Variants in SIAE observed in about 807,000 individuals in gnomAD.
The protein encoded by SIAE is sialic acid acetylesterase, also known as sialate O-acetylesterase.
A neutral mutation model predicts 52.6 loss-of-function variants in SIAE; 39 were observed. The ratio of observed to expected loss-of-function variants is 0.74; its 90% CI spans 0.57 to 0.97. The LOEUF (loss-of-function observed/expected upper bound fraction) is 0.97, where lower values mean the gene tolerates loss of function less well. SIAE is among the 50% of genes least tolerant of loss of function. SIAE has a pLI of 0.00. For synonymous variants in SIAE, 233 were observed against 241.4 expected (o/e 0.97, Z 0.32); for missense variants, 592 against 662.1 (o/e 0.89, Z 1.16).
upstream of SIAE, chr11:124,673,866 G>GTTTT: frequency 3.8e-6 from 2 of 528,100 alleles, no homozygotes; most frequent in Non-Finnish European, 3.2e-6. Context: ...GGCCGCCGTA[G>GTTTT]TTTTTTTTTT....
intron 3 of SIAE, chr11:124,659,275 C>T (rs566500262): frequency 1.3e-5 from 2 of 152,330 alleles, no homozygotes; most frequent in East Asian, 3.9e-4. Flanking sequence ...ACTGCAATTA[C>T]AGCATTAAGA....
Position 124,647,512 on chromosome 11 carries a change from A to C in SIAE, c.833-14T>G, listed in dbSNP as rs763346388. On this transcript the variant is annotated splice_polypyrimidine_tract_variant and intron_variant, in intron 6 of 9. Transcript: ENST00000263593. ...TATTGGACTCCCCTAAAAACAGTCC[A>C]AATTGTAAAGGGAGTTTGGAGTAGA... 6.2e-7 allele frequency: 1 copy of C among 1,614,036 alleles called. No homozygotes were observed. Among genetic ancestry groups the C allele is most frequent in the African/African-American group, 1.3e-5 (1 of 75,058 alleles).
At chr11:124,657,669 T>TGAAAGCCACAGA (rs1943123048) in intron 3 of SIAE, among the ~76,000 whole-genome samples, 1 of 152,242 alleles carries the variant, frequency 6.6e-6, no homozygotes, top group African/African-American at 2.4e-5. Flanking sequence ...AATTCACATT[T>TGAAAGCCACAGA]GTGTGTAATT....
chr11:124,658,739 C>G (rs1317639523), intron 3 of SIAE: 1 of 152,088 alleles, frequency 6.6e-6, no homozygotes, highest in Non-Finnish European at 1.5e-5. Context: ...TAGTGGAACT[C>G]TTACCTCCTC....
chr11:124,636,251 T>A lies in SIAE; in HGVS notation c.*700A>T, dbSNP rs1333350723. The A allele has an allele frequency of 6.5e-6, 1 of 152,848 alleles. No homozygotes were observed. The highest frequency in any genetic ancestry group is 1.5e-5 in the Non-Finnish European group (1 of 68,510). 9.5% of individuals were successfully genotyped at this position (152,848 alleles called of 1,614,324 possible). ...TGTTTCTTATTTCATTTCTTAAACATTCATATTACCACTATTTAGATTGAA... is the reference window on the plus strand; with the variant it reads ...TGTTTCTTATTTCATTTCTTAAACAATCATATTACCACTATTTAGATTGAA... On this transcript the variant is annotated 3_prime_UTR_variant, in exon 10 of 10. Coordinates refer to ENST00000263593, the MANE Select transcript of SIAE (RefSeq NM_170601.5).
In SIAE at chr11:124,636,225, A is replaced by G. The variant is rs1035096503; in HGVS notation, c.*726T>C. On this transcript the variant is annotated 3_prime_UTR_variant, in exon 10 of 10. Coordinates refer to ENST00000263593, the MANE Select transcript of SIAE (RefSeq NM_170601.5). ...TTAGCACCTTCCAAAGTGCCTGCAC[A>G]TGTTTCTTATTTCATTTCTTAAACA... The G allele has an allele frequency of 6.5e-6, 1 of 152,722 alleles. No individual in the cohort carries two copies. 9.5% of individuals were successfully genotyped at this position (152,722 alleles called of 1,614,324 possible). A position where few individuals can be genotyped will look rare whatever the true frequency, so the allele number is the denominator to read the frequency against.
chr11:124,654,837 A>G, intron 3 of SIAE, 44 bp from the exon 4 acceptor site: 1 of 1,610,392 alleles, frequency 6.2e-7, no homozygotes. Flanking sequence ...CAGGTGGTGA[A>G]CTAGCCTGAC....
In SIAE at chr11:124,645,377, C is replaced by T. The variant is rs573293651; in HGVS notation, c.966+1988G>A. 1.5e-4 allele frequency among the ~76,000 whole-genome samples: 22 copies of T among 151,566 alleles called. 2 individuals are homozygous for T. The highest frequency in any genetic ancestry group is 4.8e-4 in the African/African-American group (20 of 41,380). ...TTGCCCAGGCTGAGTGCAATGCTCA[C>T]CACAATCTACGCCTCCTGGGTTCAA... On this transcript the variant is annotated intron_variant, in intron 7 of 9. Transcript: ENST00000263593. This position sits in a 1 kb window ranked among gnomAD's most constrained non-coding sequence, Gnocchi z 4.7.
In SIAE at chr11:124,649,739, C is replaced by G; in HGVS notation, c.602G>C (p.Arg201Pro). The G allele has an allele frequency of 6.2e-7, 1 of 1,614,170 alleles. No homozygotes were observed. Among genetic ancestry groups the G allele is most frequent in the South Asian group, 1.1e-5 (1 of 91,084 alleles). Residue 201 changes from arginine (R) to proline (P), a missense_variant, in exon 5 of 10, where the codon CGT becomes CCT. Transcript: ENST00000263593. ...ATACTGCAGAGTGTCATAAAGGTGA[C>G]GTCCAAAGAGCCAGCACACTGCTGA... is the stretch of plus-strand genomic sequence containing the variant. ...YMSAVCWLFG[R>P]HLYDTLQYPI...
chr11:124,652,998 A>G (rs1052554616), intron 4 of SIAE, among the ~76,000 whole-genome samples: 2 of 152,214 alleles, frequency 1.3e-5, no homozygotes, highest in Non-Finnish European at 2.9e-5. Flanking sequence ...GGCATAATAC[A>G]TTATCCAAAT....
At chr11:124,648,395 T>TGGTAATTAAAGGTAATTTCTAA (rs1942971459) in intron 5 of SIAE, among the ~76,000 whole-genome samples, 1 of 152,186 alleles carries the variant, frequency 6.6e-6, no homozygotes, top group Non-Finnish European at 1.5e-5. Context: ...CAGCTTTCTA[T>TGGTAATTAAAGGTAATTTCTAA]GGTAATTAAA....
intron 9 of SIAE, 27 bp downstream of exon 9, chr11:124,638,515 C>G: frequency 6.2e-7 from 1 of 1,610,662 alleles, no homozygotes. Flanking sequence ...CAAAATGAAC[C>G]CCTGTTTATT....
chr11:124,652,005 G>GA (rs1280509933), intron 4 of SIAE, among the ~76,000 whole-genome samples: 2 of 152,150 alleles, frequency 1.3e-5, no homozygotes, highest in African/African-American at 4.8e-5. Flanking sequence ...CAAGGCAGAA[G>GA]AAAAAATACG....
chr11:124,642,733 G>GC (rs1204431995), intron 7 of SIAE, among the ~76,000 whole-genome samples: 2 of 152,154 alleles, frequency 1.3e-5, no homozygotes, highest in Admixed American at 6.5e-5. Flanking sequence ...GTTGTATATG[G>GC]CAAAAGTGAA....
intron 2 of SIAE, among the ~76,000 whole-genome samples, chr11:124,664,160 A>C (rs779526348): frequency 1.3e-5 from 2 of 152,136 alleles, no homozygotes; most frequent in African/African-American, 2.4e-5. Context: ...CCTGGGTTAC[A>C]CTGACAAGAG....
intron 2 of SIAE, among the ~76,000 whole-genome samples, chr11:124,661,189 T>G (rs1009733675): frequency 6.6e-6 from 1 of 152,310 alleles, no homozygotes; most frequent in African/African-American, 2.4e-5. Flanking sequence ...CAAACTAACT[T>G]GCAATTACTC....
chr11:124,668,370 T>C (rs1287506627), intron 2 of SIAE, among the ~76,000 whole-genome samples: 1 of 152,260 alleles, frequency 6.6e-6, no homozygotes, highest in Non-Finnish European at 1.5e-5. Flanking sequence ...GATAACTGCT[T>C]ACTATCTTCC....
Position 124,647,473 on chromosome 11 carries a change from C to T in SIAE, c.858G>A (p.Thr286=), listed in dbSNP as rs774095686. The T allele has an allele frequency of 8.7e-6, 14 of 1,614,078 alleles. No individual in the cohort carries two copies. The highest frequency in any genetic ancestry group is 5.0e-5 in the Admixed American group (3 of 60,012). The change falls in exon 7 of 10, where the codon ACG becomes ACA. Residue 286 remains threonine (T), a synonymous_variant. Coordinates refer to ENST00000263593, the MANE Select transcript of SIAE (RefSeq NM_170601.5). ...CAGGGAATGTGCAATTGTACAGATC[C>T]GTGTTATAATTTATATTGGACTCCC... is the stretch of plus-strand genomic sequence containing the variant. ...YQGESNINYN[T]DLYNCTFPAL...
In SIAE at chr11:124,636,939, A is replaced by G. The variant is rs200487083; in HGVS notation, c.*12T>C. On this transcript the variant is annotated 3_prime_UTR_variant, in exon 10 of 10. Coordinates refer to ENST00000263593, the MANE Select transcript of SIAE (RefSeq NM_170601.5). ...CCATCCTTATATCTAAGTTCTGATC[A>G]TACTGAAACAGTCATTTAGCAACAT... 6.2e-7 allele frequency: 1 copy of G among 1,614,216 alleles called. No homozygotes were observed. Among genetic ancestry groups the G allele is most frequent in the East Asian group, 2.2e-5 (1 of 44,888 alleles).
Sources: allele counts gnomAD v4.1 joint callset (sites outside exome capture counted in the v4.1 genomes callset), GRCh38; gene constraint gnomAD v4.1.1; non-coding constraint Gnocchi (gnomAD v3.1); transcripts MANE v1.5; gene names NCBI Gene and HGNC (gene_info 2026-07-23, HGNC 2026-07-21).